The following IQGAP1 variants were observed in gnomAD, a reference collection of about 807,000 sequenced individuals.
IQGAP1 encodes the protein ras GTPase-activating-like protein IQGAP1.
In IQGAP1, 66 loss-of-function variants were observed where a neutral mutation model predicts 215.6. The observed-to-expected ratio is 0.31, with a 90% CI of 0.25 to 0.38. IQGAP1 has a LOEUF of 0.38. IQGAP1 is among the 10% of genes least tolerant of loss of function. The pLI, the probability that IQGAP1 is intolerant of heterozygous loss-of-function variation, is 1.00. For missense variants in IQGAP1, 1,712 were observed against 1,997.1 expected (o/e 0.86, Z 2.72); for synonymous variants, 772 against 728.7 (o/e 1.06, Z -0.96).
intron 26 of IQGAP1, among the ~76,000 whole-genome samples, chr15:90,480,482 T>C (rs1330937042): frequency 6.6e-6 from 1 of 152,224 alleles, no homozygotes; most frequent in Non-Finnish European, 1.5e-5. Flanking sequence ...TGCTGGTTAC[T>C]ACTTTTAAAA....
chr15:90,492,175 A>G (rs2151039582), intron 34 of IQGAP1, among the ~76,000 whole-genome samples: 1 of 152,318 alleles, frequency 6.6e-6, no homozygotes, highest in South Asian at 2.1e-4. Flanking sequence ...TGTTGAATGT[A>G]TGGTTAGGTC....
At chr15:90,498,251 G>A (rs958834135) in intron 37 of IQGAP1, among the ~76,000 whole-genome samples, 1 of 151,750 alleles carries the variant, frequency 6.6e-6, no homozygotes, top group Non-Finnish European at 1.5e-5. Flanking sequence ...GCATTTCTTA[G>A]TCATCTTCGT....
chr15:90,403,823 C>T (rs115431195), intron 2 of IQGAP1, among the ~76,000 whole-genome samples: 150 of 152,194 alleles, frequency 9.9e-4, no homozygotes, highest in Middle Eastern at 3.4e-3. Flanking sequence ...ACAGGCAATC[C>T]GCCATCAGGC....
At chr15:90,489,429 T>C (rs2151038413) in intron 33 of IQGAP1, among the ~76,000 whole-genome samples, 1 of 152,234 alleles carries the variant, frequency 6.6e-6, no homozygotes, top group Non-Finnish European at 1.5e-5. Context: ...CACCCGGCCA[T>C]AGACCTCTGT....
At chr15:90,472,511 ACT>A (rs1177173031) in intron 18 of IQGAP1, among the ~76,000 whole-genome samples, 4 of 151,884 alleles carry the variant, frequency 2.6e-5, no homozygotes, top group African/African-American at 9.7e-5. Context: ...GGTACCTGTC[ACT>A]CTGTTCTTGT....
rs145221784 is a variant in IQGAP1 at position 90,460,946 on chromosome 15, C to T, written c.1776+4631C>T. Among the ~76,000 whole-genome samples, 1,228 of 146,844 alleles carry T rather than the reference C, an allele frequency of 8.4e-3. 35 individuals are homozygous for T. The East Asian group carries it at 0.11, about 13-fold the overall frequency. ...CCTAGGGGGCTGAGGTTGCGGTGAG[C>T]CAAGATTGCACCACTGCACTCCAGC... On this transcript the variant is annotated intron_variant, in intron 15 of 37. Transcript: ENST00000268182.
intron 4 of IQGAP1, 21 bp from the exon 5 acceptor site, chr15:90,433,698 G>A (rs775206641): frequency 1.4e-6 from 2 of 1,440,650 alleles, no homozygotes; most frequent in Non-Finnish European, 1.9e-6. Flanking sequence ...ATCTTACTCT[G>A]TTTCTTTTAT....
intron 5 of IQGAP1, among the ~76,000 whole-genome samples, chr15:90,434,911 AAAG>A (rs1287199783): frequency 1.3e-5 from 2 of 152,220 alleles, no homozygotes; most frequent in Non-Finnish European, 2.9e-5. Context: ...CCACAGGACT[AAAG>A]AAGAAGATGG....
At chr15:90,449,138 A>G (rs1965565919) in intron 10 of IQGAP1, among the ~76,000 whole-genome samples, 1 of 151,224 alleles carries the variant, frequency 6.6e-6, no homozygotes, top group Non-Finnish European at 1.5e-5. Context: ...CTGTGCAGTC[A>G]GGGTAGCTTG....
intron 33 of IQGAP1, among the ~76,000 whole-genome samples, chr15:90,487,883 C>T (rs1353861771): frequency 3.3e-5 from 5 of 152,112 alleles, no homozygotes; most frequent in South Asian, 2.1e-4. Flanking sequence ...TCCCCACCCC[C>T]GGCCAATACC....
chr15:90,482,161 C>T, intron 27 of IQGAP1, 36 bp from the exon 28 acceptor site: 1 of 1,614,146 alleles, frequency 6.2e-7, no homozygotes, highest in Non-Finnish European at 8.5e-7. Context: ...CTTTCTGCTC[C>T]TTGGCCCTTC....
intron 28 of IQGAP1, chr15:90,482,592 G>A: frequency 2.3e-6 from 1 of 433,096 alleles, no homozygotes; most frequent in Non-Finnish European, 3.8e-6. Flanking sequence ...AATAGTAGCA[G>A]GCACAGTTGT....
At chr15:90,499,238 G>C (rs1296931326) in intron 37 of IQGAP1, among the ~76,000 whole-genome samples, 2 of 152,240 alleles carry the variant, frequency 1.3e-5, no homozygotes, top group Non-Finnish European at 2.9e-5. Flanking sequence ...AGCAGGAAAA[G>C]CGGGAGCATT....
chr15:90,426,001 T>A, intron 2 of IQGAP1, 109 bp from the exon 3 acceptor site: 1 of 1,006,254 alleles, frequency 9.9e-7, no homozygotes, highest in Non-Finnish European at 1.4e-6. Flanking sequence ...AGAGTGCTAT[T>A]ATGTTCAGTT....
At chr15:90,401,728 T>A (rs1400133249) in intron 2 of IQGAP1, among the ~76,000 whole-genome samples, 1 of 152,246 alleles carries the variant, frequency 6.6e-6, no homozygotes, top group Admixed American at 6.5e-5. Context: ...TAATAAGTGG[T>A]TGATCCAGAT....
intron 2 of IQGAP1, among the ~76,000 whole-genome samples, chr15:90,404,174 A>G (rs550688760): frequency 6.6e-6 from 1 of 152,316 alleles, no homozygotes; most frequent in Admixed American, 6.5e-5. Context: ...TAAAAGTGTA[A>G]TTTCTGGGTC....
At chr15:90,476,551 G>T in intron 23 of IQGAP1, 112 bp from the exon 24 acceptor site, 1 of 662,946 alleles carries the variant, frequency 1.5e-6, no homozygotes, top group Non-Finnish European at 2.5e-6. Context: ...GTGGGAATCT[G>T]CCAGTGCAGT....
At chr15:90,479,248 TC>T (rs1383378542) in intron 26 of IQGAP1, among the ~76,000 whole-genome samples, 1 of 152,180 alleles carries the variant, frequency 6.6e-6, no homozygotes, top group African/African-American at 2.4e-5. Context: ...AGCAAGATTT[TC>T]TTAATGAAGG....
intron 5 of IQGAP1, among the ~76,000 whole-genome samples, chr15:90,437,256 C>T (rs2151017912): frequency 6.6e-6 from 1 of 152,304 alleles, no homozygotes; most frequent in East Asian, 1.9e-4. Flanking sequence ...AAGGGGGAAA[C>T]CTGCCCCCAT....
Sources: allele counts gnomAD v4.1 joint callset (sites outside exome capture counted in the v4.1 genomes callset), GRCh38; gene constraint gnomAD v4.1.1; transcripts MANE v1.5; gene names NCBI Gene and HGNC (gene_info 2026-07-23, HGNC 2026-07-21).